IGF2BP1: variants seen among roughly 807,000 people sequenced by gnomAD.
IGF2BP1 encodes insulin-like growth factor 2 mRNA-binding protein 1.
Under a neutral mutation model 74.9 loss-of-function variants are expected in IGF2BP1, and 11 were observed. That is an observed-to-expected ratio of 0.15 (90% confidence interval 0.09 to 0.24). The LOEUF is 0.24. IGF2BP1 is among the 10% of genes least tolerant of loss of function. The pLI is 1.00. For synonymous variants in IGF2BP1, 287 were observed against 281.8 expected, an observed-to-expected ratio of 1.02 and a Z score of -0.18; for missense variants, 440 against 757.4, an observed-to-expected ratio of 0.58 and a Z score of 4.92.
intron 7 of IGF2BP1, 88 bp from the exon 8 acceptor site, chr17:49,041,290 A>G: frequency 6.8e-7 from 1 of 1,461,568 alleles, no homozygotes; most frequent in Non-Finnish European, 9.4e-7. Flanking sequence ...TGGAAATGCC[A>G]AGTCTGGGGT....
chr17:49,022,750 G>A (rs1598140237), intron 2 of IGF2BP1, among the ~76,000 whole-genome samples: 1 of 152,250 alleles, frequency 6.6e-6, no homozygotes, highest in African/African-American at 2.4e-5. Context: ...ACGAAAGAAA[G>A]CCTCTAAAAC....
intron 2 of IGF2BP1, among the ~76,000 whole-genome samples, chr17:49,024,083 ATTTTTT>A (rs765273098): frequency 7.3e-4 from 57 of 78,096 alleles, no homozygotes; most frequent in South Asian, 3.3e-3. Flanking sequence ...CACCCTGCTA[ATTTTTT>A]TTTTTTTTTT....
At chr17:49,030,689 G>A (rs1225367330) in intron 4 of IGF2BP1, among the ~76,000 whole-genome samples, 1 of 151,084 alleles carries the variant, frequency 6.6e-6, no homozygotes, top group East Asian at 2.0e-4. Flanking sequence ...GTAGTGGCAC[G>A]ATCTTTGGCT....
chr17:48,998,039 C>T (rs1176261813), intron 1 of IGF2BP1, 119 bp downstream of exon 1: 1 of 1,104,394 alleles, frequency 9.1e-7, no homozygotes, highest in East Asian at 2.5e-5. Context: ...GGTTTGGCCT[C>T]CGTACCCACC....
chr17:49,002,767 T>G lies in IGF2BP1; in HGVS notation c.236+3598T>G, dbSNP rs1243935334. Among the ~76,000 whole-genome samples, 4 of 152,066 alleles carry G rather than the reference T, an allele frequency of 2.6e-5. No individual in the cohort carries two copies. The East Asian group carries it at 7.7e-4, about 29-fold the overall frequency. ...GAATGTTAAGTTTTTGTGCACTGTT[T>G]GGAGGAAAGGTGGAAACTGGGGTAC... is the stretch of plus-strand genomic sequence containing the variant. On this transcript the variant is annotated intron_variant, in intron 2 of 14. Transcript: ENST00000290341.
At chr17:49,043,694 G>T (rs2144137449) in intron 10 of IGF2BP1, 144 bp downstream of exon 10, 1 of 1,081,982 alleles carries the variant, frequency 9.2e-7, no homozygotes, top group Admixed American at 2.5e-5. Context: ...CTCCTCTCCA[G>T]TGCTCCTAGC....
intron 6 of IGF2BP1, 139 bp from the exon 7 acceptor site, chr17:49,039,818 C>A: frequency 1.1e-6 from 1 of 890,544 alleles, no homozygotes; most frequent in Non-Finnish European, 1.7e-6. Flanking sequence ...CATTGCCCTT[C>A]CCAAAGTTGT....
At chr17:49,018,088 A>C (rs1304653255) in intron 2 of IGF2BP1, 1 of 152,268 alleles carries the variant, frequency 6.6e-6, no homozygotes, top group Non-Finnish European at 1.5e-5. Context: ...CAAAATTAAA[A>C]ATTCAGTTGC....
intron 2 of IGF2BP1, among the ~76,000 whole-genome samples, chr17:49,019,842 C>A (rs2041755230): frequency 7.4e-6 from 1 of 134,504 alleles, no homozygotes; most frequent in Non-Finnish European, 1.6e-5. Context: ...TTCCCGGACC[C>A]AGGTGATCCT....
In IGF2BP1 at chr17:49,053,720, A is replaced by T. The variant is rs1367501942; in HGVS notation, c.*4276A>T. On this transcript the variant is annotated 3_prime_UTR_variant, in exon 15 of 15. Transcript: ENST00000290341. ...AACCAGCAGTGCTAGTAACTACCTC[A>T]CAGAGCCCCAGAGGGCCTGCTTGAG... The T allele has an allele frequency of 6.5e-6, 1 of 152,682 alleles. No individual in the cohort carries two copies. The highest frequency in any genetic ancestry group is 1.5e-5 in the Non-Finnish European group (1 of 68,072). The allele number at this position is 152,682 out of a possible 1,614,324, so 9.5% of individuals were successfully genotyped here.
chr17:49,030,260 A>G (rs907230895), intron 4 of IGF2BP1, among the ~76,000 whole-genome samples: 5 of 147,596 alleles, frequency 3.4e-5, no homozygotes, highest in Admixed American at 1.4e-4. Context: ...TTCTGTCTCA[A>G]CCTCCCAAGT....
intron 11 of IGF2BP1, among the ~76,000 whole-genome samples, chr17:49,044,405 T>G (rs1029414546): frequency 2.0e-5 from 3 of 152,160 alleles, no homozygotes; most frequent in Non-Finnish European, 4.4e-5. Context: ...CTATATGATC[T>G]GAGCCTCACT....
chr17:48,998,059 C>A, intron 1 of IGF2BP1, 139 bp downstream of exon 1: 1 of 840,504 alleles, frequency 1.2e-6, no homozygotes, highest in Non-Finnish European at 1.8e-6. Flanking sequence ...CCTCGACCTA[C>A]CCCCTTCGAT....
chr17:49,055,402 CCCTCCCAG>C lies in IGF2BP1; in HGVS notation c.*5961_*5968del. On this transcript the variant is annotated 3_prime_UTR_variant, in exon 15 of 15. Transcript: ENST00000290341. ...CCTTCCTGTGCTTCTCTCCCTTCTCCCCTCCCAGCCAGCTGACTTCAGTCACCCCTGTC... is the reference window on the plus strand; with the variant it reads ...CCTTCCTGTGCTTCTCTCCCTTCTCCCCAGCTGACTTCAGTCACCCCTGTC... 1 of 365,506 alleles carries C rather than the reference CCCTCCCAG, an allele frequency of 2.7e-6. No individual in the cohort carries two copies. The highest frequency in any genetic ancestry group is 1.5e-4 in the South Asian group (1 of 6,726). The allele number at this position is 365,506 out of a possible 1,614,324, so 22.6% of individuals were successfully genotyped here. A position where few individuals can be genotyped will look rare whatever the true frequency, so the allele number is the denominator to read the frequency against.
intron 2 of IGF2BP1, among the ~76,000 whole-genome samples, chr17:49,010,081 C>CAAACA (rs762077065): frequency 3.0e-4 from 46 of 152,122 alleles, no homozygotes; most frequent in Non-Finnish European, 5.7e-4. Context: ...AACTCGATTT[C>CAAACA]AAACAAAACA....
intron 2 of IGF2BP1, among the ~76,000 whole-genome samples, chr17:49,016,563 C>T (rs1473800760): frequency 1.3e-5 from 2 of 152,098 alleles, no homozygotes; most frequent in African/African-American, 4.8e-5. Flanking sequence ...CTACTTTTCC[C>T]CCAACAAGTA....
chr17:48,997,996 C>T lies in IGF2BP1; in HGVS notation c.175+76C>T. ...CGGAGACCCGCACCTTCCGGTTCCT[C>T]TCCCGCCAACTCCTCTCTTCCCGGG... On this transcript the variant is annotated intron_variant, in intron 1 of 14. Transcript: ENST00000290341. The surrounding 1 kb of genome is among the most constrained non-coding windows in gnomAD (Gnocchi z 4.8). 6.7e-7 allele frequency: 1 copy of T among 1,496,846 alleles called. No homozygotes were observed. Among genetic ancestry groups the T allele is most frequent in the Non-Finnish European group, 9.1e-7 (1 of 1,099,848 alleles). 92.7% of individuals were successfully genotyped at this position (1,496,846 alleles called of 1,614,324 possible). A position where few individuals can be genotyped will look rare whatever the true frequency, so the allele number is the denominator to read the frequency against.
intron 7 of IGF2BP1, 107 bp from the exon 8 acceptor site, chr17:49,041,261 AGTTTTGAGAT>A: frequency 9.5e-7 from 1 of 1,056,742 alleles, no homozygotes; most frequent in African/African-American, 1.6e-5. Context: ...CAGTTTGATA[AGTTTTGAGAT>A]GTTTTACTTG....
intron 4 of IGF2BP1, among the ~76,000 whole-genome samples, chr17:49,030,141 C>CTT (rs35530909): frequency 4.8e-4 from 58 of 120,774 alleles, no homozygotes; most frequent in Non-Finnish European, 8.3e-4. Flanking sequence ...TTTAGCTGGA[C>CTT]TTTTTTTTTT....
Sources: allele counts gnomAD v4.1 joint callset (sites outside exome capture counted in the v4.1 genomes callset), GRCh38; gene constraint gnomAD v4.1.1; non-coding constraint Gnocchi (gnomAD v3.1); transcripts MANE v1.5; gene names NCBI Gene and HGNC (gene_info 2026-07-23, HGNC 2026-07-21).